NAV3: variants seen among roughly 807,000 people sequenced by gnomAD.
NAV3 encodes the protein pore membrane and/or filament interacting like protein 1.
In NAV3, 87 loss-of-function variants were observed where a neutral mutation model predicts 244.7. The observed-to-expected ratio is 0.36, with a 90% CI of 0.30 to 0.42. The LOEUF is 0.42. NAV3 is among the 20% of genes least tolerant of loss of function. NAV3 has a pLI of 1.00. For missense variants in NAV3, 2,663 were observed against 2,893.3 expected, an observed-to-expected ratio of 0.92 and a Z score of 1.83; for synonymous variants, 1,126 against 1,042.2, an observed-to-expected ratio of 1.08 and a Z score of -1.55.
At chr12:77,673,982 C>A (rs1264283037) in intron 2 of NAV3, among the ~76,000 whole-genome samples, 1 of 152,070 alleles carries the variant, frequency 6.6e-6, no homozygotes, top group Non-Finnish European at 1.5e-5. Context: ...TCCCTGAATT[C>A]TCATTACCTA....
At chr12:77,646,083 T>C (rs1442033363) in intron 2 of NAV3, among the ~76,000 whole-genome samples, 1 of 152,142 alleles carries the variant, frequency 6.6e-6, no homozygotes, top group Non-Finnish European at 1.5e-5. Flanking sequence ...GATACGAGCT[T>C]CATGGACAAA....
intron 2 of NAV3, among the ~76,000 whole-genome samples, chr12:77,579,746 T>G (rs761617151): frequency 3.4e-4 from 52 of 152,302 alleles, no homozygotes; most frequent in Non-Finnish European, 6.3e-4. Flanking sequence ...CAAGACCTGA[T>G]GAAACTAGCA....
At chr12:77,905,131 T>C (rs1028060961) in intron 1 of NAV3, among the ~76,000 whole-genome samples, 4 of 152,218 alleles carry the variant, frequency 2.6e-5, no homozygotes, top group Middle Eastern at 6.8e-3. Context: ...CATACAAAAA[T>C]GGTAACAATG....
At chr12:77,850,878 C>G (rs1325695968) in intron 1 of NAV3, among the ~76,000 whole-genome samples, 1 of 152,130 alleles carries the variant, frequency 6.6e-6, no homozygotes, top group Non-Finnish European at 1.5e-5. Flanking sequence ...TGCTGTGAGA[C>G]TTGGGCTATG....
At chr12:78,199,665 T>C (rs1959428456) in intron 37 of NAV3, 134 bp downstream of exon 37, 2 of 619,218 alleles carry the variant, frequency 3.2e-6, no homozygotes, top group Non-Finnish European at 5.1e-6. Flanking sequence ...TTTTTTCCCT[T>C]CTGAAAGTTT....
At chr12:77,864,555 A>C (rs1056822323) in intron 1 of NAV3, among the ~76,000 whole-genome samples, 4 of 152,006 alleles carry the variant, frequency 2.6e-5, no homozygotes, top group Non-Finnish European at 4.4e-5. Flanking sequence ...TGAGAAGCAA[A>C]GATTATGTAA....
intron 2 of NAV3, among the ~76,000 whole-genome samples, chr12:77,727,838 C>G (rs1876947274): frequency 6.6e-6 from 1 of 151,888 alleles, no homozygotes; most frequent in Non-Finnish European, 1.5e-5. Context: ...GTCTGTATTA[C>G]ATAATGGACA....
chr12:78,178,181 A>T (rs1958332454), intron 28 of NAV3, among the ~76,000 whole-genome samples: 1 of 147,602 alleles, frequency 6.8e-6, no homozygotes, highest in South Asian at 2.2e-4. Context: ...TTTTTTTGAA[A>T]CAAAGTCTCA....
chr12:77,995,394 G>T (rs2136410345), intron 6 of NAV3, among the ~76,000 whole-genome samples: 1 of 152,262 alleles, frequency 6.6e-6, no homozygotes, highest in Admixed American at 6.5e-5. Context: ...TATAGTAAAT[G>T]ATAGTGCGTT....
intron 2 of NAV3, among the ~76,000 whole-genome samples, chr12:77,739,911 T>C (rs1042925713): frequency 6.6e-6 from 1 of 152,202 alleles, no homozygotes; most frequent in African/African-American, 2.4e-5. Flanking sequence ...TGTTTTATAA[T>C]GACTCACACA....
chr12:78,176,189 C>T (rs140968219), intron 25 of NAV3, among the ~76,000 whole-genome samples: 70 of 150,876 alleles, frequency 4.6e-4, no homozygotes, highest in Middle Eastern at 3.4e-3. Context: ...ACTGTTACTG[C>T]GAAAAATTTA....
intron 12 of NAV3, among the ~76,000 whole-genome samples, chr12:78,103,650 C>A (rs1954652076): frequency 1.3e-5 from 2 of 152,200 alleles, no homozygotes; most frequent in Admixed American, 1.3e-4. Context: ...TTCCACATGG[C>A]TAGGGAGGCT....
chr12:77,650,450 T>C (rs767874190), intron 2 of NAV3, among the ~76,000 whole-genome samples: 17 of 152,106 alleles, frequency 1.1e-4, no homozygotes, highest in Non-Finnish European at 1.9e-4. Flanking sequence ...CATGAGGTAG[T>C]TTCATTTGAT....
intron 2 of NAV3, among the ~76,000 whole-genome samples, chr12:77,786,216 T>A (rs1870899379): frequency 6.6e-6 from 1 of 152,200 alleles, no homozygotes. Context: ...TACTATTTAT[T>A]TCTTTTAGAG....
chr12:77,823,833 T>C (rs1872848138), intron 2 of NAV3, among the ~76,000 whole-genome samples: 1 of 152,196 alleles, frequency 6.6e-6, no homozygotes, highest in Non-Finnish European at 1.5e-5. Flanking sequence ...AGCAGACAAG[T>C]TGTTGTTAAA....
At chr12:77,747,900 G>A (rs561421376) in intron 2 of NAV3, among the ~76,000 whole-genome samples, 3 of 152,234 alleles carry the variant, frequency 2.0e-5, no homozygotes, top group African/African-American at 7.2e-5. Flanking sequence ...GGGGGATGGG[G>A]GAGGGATAGC....
At chr12:77,625,451 C>G (rs560201348) in intron 2 of NAV3, among the ~76,000 whole-genome samples, 1 of 151,502 alleles carries the variant, frequency 6.6e-6, no homozygotes, top group East Asian at 1.9e-4. Flanking sequence ...ATTTAAGGCT[C>G]GAGCTCCTTA....
chr12:77,655,300 G>T (rs1293304055), intron 2 of NAV3, among the ~76,000 whole-genome samples: 1 of 152,184 alleles, frequency 6.6e-6, no homozygotes, highest in South Asian at 2.1e-4. Flanking sequence ...CGAGAACTAC[G>T]TGAAGAATGC....
At chr12:78,168,906 G>A (rs1957888508) in intron 24 of NAV3, 40 bp downstream of exon 24, 2 of 1,402,834 alleles carry the variant, frequency 1.4e-6, no homozygotes, top group African/African-American at 1.4e-5. Flanking sequence ...CAATATAATA[G>A]ACATCTATTT....
Sources: allele counts gnomAD v4.1 joint callset (sites outside exome capture counted in the v4.1 genomes callset), GRCh38; gene constraint gnomAD v4.1.1; transcripts MANE v1.5; gene names NCBI Gene and HGNC (gene_info 2026-07-23, HGNC 2026-07-21).